The following ZDHHC7 variants were observed in gnomAD, a reference collection of about 807,000 sequenced individuals.
ZDHHC7 encodes the protein palmitoyltransferase ZDHHC7.
ZDHHC7 carries 12 observed loss-of-function variants against 34.1 expected under a neutral mutation model. The observed-to-expected ratio is 0.35, with a 90% CI of 0.23 to 0.57. ZDHHC7 has a LOEUF of 0.57. Ranked by LOEUF, ZDHHC7 falls within the 20% of genes least tolerant of loss-of-function variation. The probability of loss-of-function intolerance (pLI) is 0.84; values close to 1 mark genes in which losing one functional copy is unlikely to be tolerated. For missense variants in ZDHHC7, 388 were observed against 402.7 expected (o/e 0.96, Z 0.31); for synonymous variants, 185 against 155.4 (o/e 1.19, Z -1.42).
chr16:84,987,940 C>T lies in ZDHHC7; in HGVS notation c.315+2364G>A, dbSNP rs190230501. ...ATCCCAGCACTTCGGGAGGCCGAGG[C>T]GGGCAGATCATAAGGTCAGGAGATC... On this transcript the variant is annotated intron_variant, in intron 3 of 7. Coordinates refer to ENST00000313732, the MANE Select transcript of ZDHHC7 (RefSeq NM_017740.3). Among the ~76,000 whole-genome samples the T allele has an allele frequency of 3.7e-4, 57 of 152,248 alleles. No individual in the cohort carries two copies. In the East Asian group the frequency reaches 6.8e-3, roughly 18 times the overall value.
chr16:85,023,405 T>C, the ZDHHC7 span, among the ~76,000 whole-genome samples: 10 of 152,056 alleles, frequency 6.6e-5, no homozygotes, highest in Admixed American at 6.5e-5. Flanking sequence ...CCTCAGGTGA[T>C]CCACCCGCCT....
At chr16:84,991,063 C>T (rs2072503417) in intron 2 of ZDHHC7, among the ~76,000 whole-genome samples, 1 of 152,168 alleles carries the variant, frequency 6.6e-6, no homozygotes, top group African/African-American at 2.4e-5. Context: ...GTGCTCGGCA[C>T]ACACTTCAGC....
rs34612029 is a variant in ZDHHC7, at chr16:84,997,267, CTTT to C, written c.-103-1263_-103-1261del. On this transcript the variant is annotated intron_variant, in intron 1 of 7. Coordinates refer to ENST00000313732, the MANE Select transcript of ZDHHC7 (RefSeq NM_017740.3). ...AACAGTCTATAGATTCTAAATTTTC[CTTT>C]TTTTTTTTTTTTTTTTGAGATGGAG... Among the ~76,000 whole-genome samples the C allele has an allele frequency of 1.1e-3, 122 of 111,298 alleles. 1 individual carries two copies. Among genetic ancestry groups the C allele is most frequent in the East Asian group, 9.8e-3 (37 of 3,778 alleles). 73.0% of individuals were successfully genotyped at this position (111,298 alleles called of 152,430 possible). A position where few individuals can be genotyped will look rare whatever the true frequency, so the allele number is the denominator to read the frequency against.
intron 3 of ZDHHC7, among the ~76,000 whole-genome samples, chr16:84,985,179 G>T (rs1015105837): frequency 7.2e-5 from 11 of 152,206 alleles, no homozygotes; most frequent in African/African-American, 2.7e-4. Flanking sequence ...CTTCAGAGGT[G>T]CTCCCTGATT....
intron 1 of ZDHHC7, among the ~76,000 whole-genome samples, chr16:85,001,470 C>CAAA (rs71151261): frequency 6.3e-5 from 6 of 95,356 alleles, no homozygotes; most frequent in Middle Eastern, 5.8e-3. Context: ...GACCCTGTCT[C>CAAA]AAAAAAAAAA....
chr16:84,997,864 TCCAG>T (rs1471137093), intron 1 of ZDHHC7, among the ~76,000 whole-genome samples: 1 of 97,078 alleles, frequency 1.0e-5, no homozygotes, highest in Non-Finnish European at 1.9e-5. Context: ...CTGCACTCCA[TCCAG>T]CCTGGGCGAC....
At position 85,001,425 on chromosome 16, in the gene ZDHHC7, C is replaced by T. The variant is rs567921685; in HGVS notation, c.-103-5418G>A. ...GGCTGAGGTTGCAGTGGGCCAAGAT[C>T]GCACCACTGCACTCCAGCCTGGGCA... On this transcript the variant is annotated intron_variant, in intron 1 of 7. Coordinates refer to ENST00000313732, the MANE Select transcript of ZDHHC7 (RefSeq NM_017740.3). Among the ~76,000 whole-genome samples, 3 of 142,628 alleles carry T rather than the reference C, an allele frequency of 2.1e-5. No individual in the cohort carries two copies. The South Asian group carries it at 6.7e-4, about 32-fold the overall frequency. 93.6% of individuals were successfully genotyped at this position (142,628 alleles called of 152,430 possible). A position where few individuals can be genotyped will look rare whatever the true frequency, so the allele number is the denominator to read the frequency against.
chr16:84,996,003 C>G lies in ZDHHC7; in HGVS notation c.-99G>C, dbSNP rs2072571786. Reference sequence around the variant, plus strand: ...TAAGGTGCATACTGTCCTATGTGATCGGATCTGAAAGGTAATAAAATCTGA... The same window carrying G: ...TAAGGTGCATACTGTCCTATGTGATGGGATCTGAAAGGTAATAAAATCTGA... On this transcript the variant is annotated 5_prime_UTR_variant, in exon 2 of 8. Transcript: ENST00000313732. 1 of 152,146 alleles carries G rather than the reference C, an allele frequency of 6.6e-6. No homozygotes were observed. Among genetic ancestry groups the G allele is most frequent in the Non-Finnish European group, 1.5e-5 (1 of 68,040 alleles). 9.4% of individuals were successfully genotyped at this position (152,146 alleles called of 1,614,324 possible). A position where few individuals can be genotyped will look rare whatever the true frequency, so the allele number is the denominator to read the frequency against.
chr16:85,007,432 A>AATT (rs2072732759), intron 1 of ZDHHC7, among the ~76,000 whole-genome samples: 1 of 151,636 alleles, frequency 6.6e-6, no homozygotes, highest in African/African-American at 2.4e-5. Flanking sequence ...CAAAAAAAAA[A>AATT]AAAAAAAGAA....
intron 1 of ZDHHC7, among the ~76,000 whole-genome samples, chr16:85,000,757 C>T (rs1038161110): frequency 3.3e-5 from 5 of 152,176 alleles, no homozygotes; most frequent in African/African-American, 4.8e-5. Context: ...CATCCAAGCA[C>T]GTACTCTGTG....
intron 1 of ZDHHC7, among the ~76,000 whole-genome samples, chr16:84,997,895 TAAAAAAAAAAA>T (rs751166134): frequency 6.2e-5 from 4 of 64,430 alleles, no homozygotes; most frequent in African/African-American, 1.8e-4. Flanking sequence ...AGACTCCGTC[TAAAAAAAAAAA>T]AAAAAAAAAA....
At position 84,975,963 on chromosome 16, in the gene ZDHHC7, A is replaced by G. The variant is rs896329124; in HGVS notation, c.*380T>C. On this transcript the variant is annotated 3_prime_UTR_variant, in exon 8 of 8. Transcript: ENST00000313732. ...TGGCGGGGTCAGCAGGAGCCCCCTG[A>G]AATGACTGCTTGGAGAATCCCTGTT... is the stretch of plus-strand genomic sequence containing the variant. 2 of 226,536 alleles carry G rather than the reference A, an allele frequency of 8.8e-6. No individual in the cohort carries two copies. Among genetic ancestry groups the G allele is most frequent in the African/African-American group, 2.4e-5 (1 of 42,156 alleles). 14.0% of individuals were successfully genotyped at this position (226,536 alleles called of 1,614,324 possible). A position where few individuals can be genotyped will look rare whatever the true frequency, so the allele number is the denominator to read the frequency against.
chr16:84,980,594 T>A (rs1489568873), intron 4 of ZDHHC7, among the ~76,000 whole-genome samples: 1 of 152,006 alleles, frequency 6.6e-6, no homozygotes, highest in African/African-American at 2.4e-5. Context: ...CGCTTGAGCC[T>A]GAGAGGCAGA....
At chr16:85,021,498 C>T in the ZDHHC7 span, among the ~76,000 whole-genome samples, 9 of 151,532 alleles carry the variant, frequency 5.9e-5, no homozygotes, top group South Asian at 1.9e-3. Context: ...CAACTGCGGC[C>T]AGGAGTTTGA....
chr16:85,024,351 C>T, the ZDHHC7 span, among the ~76,000 whole-genome samples: 3 of 150,976 alleles, frequency 2.0e-5, no homozygotes, highest in Admixed American at 2.0e-4. Context: ...CCTGCCTCAG[C>T]CTACCCAGTA....
At chr16:85,026,911 A>T in the ZDHHC7 span, among the ~76,000 whole-genome samples, 1 of 152,146 alleles carries the variant, frequency 6.6e-6, no homozygotes, top group Non-Finnish European at 1.5e-5. Context: ...TAGGTGCTGG[A>T]GTCGAGTTTG....
chr16:84,977,338 G>A (rs1385162791), intron 6 of ZDHHC7, 113 bp from the exon 7 acceptor site: 1 of 1,390,510 alleles, frequency 7.2e-7, no homozygotes, highest in Non-Finnish European at 9.8e-7. Context: ...CCAGGGGGAA[G>A]TTGTTCACTT....
rs140421174 is a variant in ZDHHC7, at chr16:84,995,553, G to C, written c.-18+369C>G. Among the ~76,000 whole-genome samples the C allele has an allele frequency of 9.9e-3, 1,507 of 152,232 alleles. 33 individuals carry two copies. Among genetic ancestry groups the C allele is most frequent in the African/African-American group, 0.035 (1,449 of 41,524 alleles). ...AGGCAGAAGAATCACTTGAACCTGGGAGACAGAGGTCGCAGAGAGCCAAGA... is the reference window on the plus strand; with the variant it reads ...AGGCAGAAGAATCACTTGAACCTGGCAGACAGAGGTCGCAGAGAGCCAAGA... On this transcript the variant is annotated intron_variant, in intron 2 of 7. Coordinates refer to ENST00000313732, the MANE Select transcript of ZDHHC7 (RefSeq NM_017740.3).
intron 3 of ZDHHC7, chr16:84,988,999 G>T (rs2072473862): frequency 6.5e-6 from 6 of 917,486 alleles, no homozygotes; most frequent in Admixed American, 4.2e-5. Flanking sequence ...GCCAAGGAAG[G>T]AGAGGGCGGA....
Sources: gnomAD v4.1 joint callset for allele counts (sites outside exome capture counted in the v4.1 genomes callset) on GRCh38, gnomAD v4.1.1 for gene constraint, MANE v1.5 for transcripts, NCBI Gene and HGNC (gene_info 2026-07-23, HGNC 2026-07-21) for gene names.